The following TNC variants were observed in gnomAD, a reference collection of about 807,000 sequenced individuals.
TNC encodes the protein tenascin.
Under a neutral mutation model 202.4 loss-of-function variants are expected in TNC, and 109 were observed. That is an observed-to-expected ratio of 0.54 (90% CI 0.46 to 0.63). TNC has a LOEUF of 0.63. Among genes scored for constraint, TNC ranks in the 30% least tolerant of loss-of-function variants. The pLI, the probability that TNC is intolerant of heterozygous loss-of-function variation, is 0.00. For missense variants in TNC, 2,756 were observed against 2,833.3 expected, an observed-to-expected ratio of 0.97 and a Z score of 0.62; for synonymous variants, 1,007 against 1,089.7, an observed-to-expected ratio of 0.92 and a Z score of 1.50.
In TNC at chr9:115,044,781, C is replaced by T. The variant is rs562970241; in HGVS notation, c.5125+1629G>A. ...ATAGGGTGTCCCTGTTAATAAGAAA[C>T]AGGGTTTTTCCCTCTTACTAGGTTG... On this transcript the variant is annotated intron_variant, in intron 17 of 27. Transcript: ENST00000350763. 1.3e-4 allele frequency among the ~76,000 whole-genome samples: 20 copies of T among 151,684 alleles called. No individual in the cohort carries two copies. The South Asian group carries it at 4.3e-3, about 32-fold the overall frequency.
At chr9:115,062,039 G>C (rs1179849276) in intron 13 of TNC, among the ~76,000 whole-genome samples, 1 of 152,198 alleles carries the variant, frequency 6.6e-6, no homozygotes, top group Non-Finnish European at 1.5e-5. Flanking sequence ...GTGGGTGTTA[G>C]TTGGTGGCTC....
Position 115,031,538 on chromosome 9 carries a change from C to A in TNC, c.5920+15G>T. The A allele has an allele frequency of 6.5e-7, 1 of 1,532,454 alleles. No individual in the cohort carries two copies. The highest frequency in any genetic ancestry group is 8.8e-7 in the Non-Finnish European group (1 of 1,139,562). 94.9% of individuals were successfully genotyped at this position (1,532,454 alleles called of 1,614,324 possible). ...GTTAGATCTCAAGGCTGGATGGCAC[C>A]CTGGGCCTCCTTACTTGTGGTGAAG... On this transcript the variant is annotated intron_variant, in intron 23 of 27. Transcript: ENST00000350763.
rs746885287 is a variant in TNC at position 115,090,913 on chromosome 9, C to A, written c.106G>T (p.Gly36Trp). The A allele has an allele frequency of 9.9e-6, 16 of 1,614,062 alleles. No homozygotes were observed. The highest frequency in any genetic ancestry group is 1.4e-5 in the Non-Finnish European group (16 of 1,180,050). ...KKVIRHKRQSGVNATLPEENQ... is the reference protein window; with the variant it reads ...KKVIRHKRQSWVNATLPEENQ... ...TCTTCTGGCAGGGTGGCGTTCACCC[C>A]ACTCTGTCGCTTGTGCCGGATGACT... The change falls in exon 2 of 28, where the codon GGG (glycine) becomes TGG (tryptophan). Residue 36 changes from glycine to tryptophan, a missense_variant. Transcript: ENST00000350763.
At chr9:115,105,474 G>T (rs1196130039) in intron 1 of TNC, among the ~76,000 whole-genome samples, 1 of 152,160 alleles carries the variant, frequency 6.6e-6, no homozygotes, top group South Asian at 2.1e-4. Context: ...CACAGCTCAA[G>T]ATCACATAGC....
rs201758398 is a variant in TNC at position 115,086,116 on chromosome 9, G to A, written c.1615C>T (p.Gln539Ter). 3.8e-5 allele frequency: 61 copies of A among 1,613,710 alleles called. No individual in the cohort carries two copies. The highest frequency in any genetic ancestry group is 3.6e-4 in the South Asian group (33 of 91,072). The change falls in exon 3 of 28, where the codon CAG (glutamine) becomes TAG (stop). Residue 539 changes from glutamine (Q) to a stop codon, truncating the protein, a stop_gained. Transcript: ENST00000350763. LOFTEE classifies it high-confidence loss of function. ...CACTGCCCATTCACACAGCGACCCT[G>A]GCCATGGCAGTCATTTGGACAGGAG... ...ELSCPNDCHG[Q>*]GRCVNGQCVC...
At chr9:115,036,039 T>G in intron 21 of TNC, 59 bp downstream of exon 21, 1 of 1,599,632 alleles carries the variant, frequency 6.3e-7, no homozygotes, top group Non-Finnish European at 8.5e-7. Context: ...CTGTTTAAGA[T>G]GCAGGCTGTG....
Position 115,084,292 on chromosome 9 carries a change from T to A in TNC, c.2048A>T (p.Glu683Val), listed in dbSNP as rs1199839988. The A allele has an allele frequency of 3.7e-6, 6 of 1,614,090 alleles. No individual in the cohort carries two copies. The highest frequency in any genetic ancestry group is 5.1e-6 in the Non-Finnish European group (6 of 1,180,018). Residue 683 changes from glutamate (E) to valine (V), a missense_variant, in exon 4 of 28, where the codon GAG becomes GTG. Glu to Val is a moderately radical substitution (Grantham distance 121). Transcript: ENST00000350763. Reference protein sequence around the residue: ...DQTSTIIQELEPGVEYFIRVF... With the variant: ...DQTSTIIQELVPGVEYFIRVF... ...ACGGATAAAGTACTCCACACCAGGC[T>A]CCAGCTCCTGGATGATGGTGGACGT...
intron 20 of TNC, 113 bp from the exon 21 acceptor site, chr9:115,036,354 GCGGAAAAGCAGGTCTGA>G: frequency 8.1e-7 from 1 of 1,230,044 alleles, no homozygotes; most frequent in South Asian, 1.4e-5. Context: ...CAGTGACCCT[GCGGAAAAGCAGGTCTGA>G]TTTCTGAAAT....
At chr9:115,064,971 C>T in intron 10 of TNC, 52 bp from the exon 11 acceptor site, 3 of 1,573,432 alleles carry the variant, frequency 1.9e-6, no homozygotes, top group Non-Finnish European at 1.7e-6. Context: ...GAAAGTTTTG[C>T]TTCTGAGAAC....
chr9:115,026,572 C>T lies in TNC; in HGVS notation c.6293G>A (p.Arg2098His), dbSNP rs778890365. ...GTACCCCTCCACCTTCAGCTTGTAG[C>T]GAGTCTTGGCATCTCCCACGCTGAA... Reference protein sequence around the residue: ...DKFSVGDAKTRYKLKVEGYSG... With the variant: ...DKFSVGDAKTHYKLKVEGYSG... Residue 2098 changes from arginine (R) to histidine (H), a missense_variant, in exon 26 of 28, where the codon CGC becomes CAC. Arg to His is a conservative substitution (Grantham distance 29, BLOSUM62 0). Around this residue, in one of 2 missense-constraint regions of TNC, gnomAD observed 197 missense variants for 287.3 expected, o/e 0.69. Transcript: ENST00000350763. 16 of 1,613,908 alleles carry T rather than the reference C, an allele frequency of 9.9e-6. No homozygotes were observed. The Admixed American group carries it at 1.0e-4, about 10-fold the overall frequency.
intron 10 of TNC, among the ~76,000 whole-genome samples, chr9:115,067,792 T>C (rs1833066005): frequency 6.6e-6 from 1 of 152,144 alleles, no homozygotes; most frequent in Admixed American, 6.5e-5. Flanking sequence ...GTAATAGTGA[T>C]GGTGTTGGTA....
intron 9 of TNC, 90 bp from the exon 10 acceptor site, chr9:115,073,956 C>G: frequency 7.4e-7 from 1 of 1,359,736 alleles, no homozygotes; most frequent in Non-Finnish European, 1.0e-6. Context: ...GGGCTGGAAT[C>G]CTAGGTCTGC....
At chr9:115,050,211 A>T (rs1465384603) in intron 15 of TNC, among the ~76,000 whole-genome samples, 1 of 152,182 alleles carries the variant, frequency 6.6e-6, no homozygotes, top group Admixed American at 6.5e-5. Flanking sequence ...TAATTAGGCA[A>T]TCAAGGGCTT....
chr9:115,072,228 C>T (rs1833521856), intron 10 of TNC, among the ~76,000 whole-genome samples: 2 of 152,198 alleles, frequency 1.3e-5, no homozygotes, highest in Admixed American at 6.5e-5. Context: ...TTTGGTTCTT[C>T]CTCCCTTATG....
chr9:115,072,996 C>T (rs968161063), intron 10 of TNC, among the ~76,000 whole-genome samples: 59 of 151,856 alleles, frequency 3.9e-4, no homozygotes, highest in Non-Finnish European at 7.2e-4. Flanking sequence ...TTGCATGGGC[C>T]ACAATGTCAG....
intron 12 of TNC, 78 bp from the exon 13 acceptor site, chr9:115,063,267 C>G: frequency 6.5e-7 from 1 of 1,528,164 alleles, no homozygotes; most frequent in Non-Finnish European, 8.9e-7. Context: ...GGCATTTTGG[C>G]TAAGGTTGGG....
At chr9:115,044,152 G>T (rs1347368216) in intron 17 of TNC, among the ~76,000 whole-genome samples, 1 of 151,948 alleles carries the variant, frequency 6.6e-6, no homozygotes, top group Non-Finnish European at 1.5e-5. Flanking sequence ...GGTACCTTGT[G>T]AGTGAGAGGA....
At chr9:115,075,895 T>G (rs1833808771) in intron 9 of TNC, 137 bp downstream of exon 9, 2 of 696,172 alleles carry the variant, frequency 2.9e-6, no homozygotes, top group Non-Finnish European at 5.0e-6. Context: ...ATTTCAACAT[T>G]GGGGCTAGAT....
chr9:115,062,133 A>G (rs1219218808), intron 13 of TNC, among the ~76,000 whole-genome samples: 1 of 152,218 alleles, frequency 6.6e-6, no homozygotes, highest in Non-Finnish European at 1.5e-5. Context: ...TTTAAAAATC[A>G]TGACTCTGTT....
Sources: allele counts gnomAD v4.1 joint callset (sites outside exome capture counted in the v4.1 genomes callset), GRCh38; gene constraint gnomAD v4.1.1; regional missense constraint gnomAD v4.1.1; transcripts MANE v1.5; gene names NCBI Gene and HGNC (gene_info 2026-07-23, HGNC 2026-07-21).